MIER1: variants seen among roughly 807,000 people sequenced by gnomAD.
MIER1 encodes the protein mesoderm induction early response protein 1.
Under a neutral mutation model 75.7 loss-of-function variants are expected in MIER1, and 40 were observed. That is an observed-to-expected ratio of 0.53 (90% CI 0.41 to 0.69). The LOEUF (loss-of-function observed/expected upper bound fraction) is 0.69. MIER1 is among the 30% of genes least tolerant of loss of function. The probability of loss-of-function intolerance (pLI) is 0.00; values close to 1 mark genes in which losing one functional copy is unlikely to be tolerated. For synonymous variants in MIER1, 213 were observed against 223.4 expected, an observed-to-expected ratio of 0.95 and a Z score of 0.42; for missense variants, 574 against 680.2, an observed-to-expected ratio of 0.84 and a Z score of 1.74.
intron 4 of MIER1, among the ~76,000 whole-genome samples, chr1:66,956,542 T>C (rs962956731): frequency 2.0e-5 from 3 of 152,222 alleles, no homozygotes; most frequent in Admixed American, 6.5e-5. Flanking sequence ...TACCAGATTC[T>C]TGGTACATGG....
intron 2 of MIER1, among the ~76,000 whole-genome samples, chr1:66,939,635 G>A (rs560703943): frequency 4.6e-5 from 7 of 151,910 alleles, no homozygotes; most frequent in South Asian, 4.2e-4. Flanking sequence ...TTTTTAAGTC[G>A]GAGACCAGCT....
chr1:66,955,321 A>G (rs1412368025), intron 4 of MIER1, among the ~76,000 whole-genome samples: 2 of 126,864 alleles, frequency 1.6e-5, no homozygotes, highest in East Asian at 2.5e-4. Flanking sequence ...TACCAGCAGC[A>G]TTAGCATCAC....
At chr1:66,925,150 G>A (rs916400856) in intron 1 of MIER1, 55 bp downstream of exon 1, 5 of 1,532,120 alleles carry the variant, frequency 3.3e-6, no homozygotes, top group South Asian at 1.2e-5. Flanking sequence ...TTGGGATGAG[G>A]GGCTCCTGAG....
Position 66,986,549 on chromosome 1 carries a change from T to G in MIER1, c.*1649T>G. On this transcript the variant is annotated 3_prime_UTR_variant, in exon 14 of 14. Transcript: ENST00000401041. ...GAAGGTTTGCACTGAGAAATTAGCA[T>G]TCAGGCCTTACCCCCATGAAGTATT... 9.0e-7 allele frequency: 1 copy of G among 1,106,760 alleles called. No individual in the cohort carries two copies. Among genetic ancestry groups the G allele is most frequent in the East Asian group, 2.4e-5 (1 of 42,444 alleles). 68.6% of individuals were successfully genotyped at this position (1,106,760 alleles called of 1,614,324 possible). A position where few individuals can be genotyped will look rare whatever the true frequency, so the allele number is the denominator to read the frequency against.
At chr1:66,937,860 A>G (rs1655283605) in intron 2 of MIER1, among the ~76,000 whole-genome samples, 2 of 152,220 alleles carry the variant, frequency 1.3e-5, no homozygotes, top group African/African-American at 4.8e-5. Context: ...TCTAATCTCA[A>G]TCCTACCCCC....
chr1:66,948,145 G>A (rs1377372045), intron 4 of MIER1: 1 of 862,488 alleles, frequency 1.2e-6, no homozygotes, highest in African/African-American at 1.8e-5. Context: ...ATTCACCAGT[G>A]TATTTCATGG....
rs1570390821 is a variant in MIER1 at position 66,962,988 on chromosome 1, C to G, written c.700-100C>G. 4.0e-6 allele frequency: 3 copies of G among 755,970 alleles called. No individual in the cohort carries two copies. The Admixed American group carries it at 7.7e-5, about 19-fold the overall frequency. The allele number at this position is 755,970 out of a possible 1,614,324, so 46.8% of individuals were successfully genotyped here. ...AATTGGTTGTTTTTGTATTTTATGA[C>G]AGAGAAACCAGGAACAGTTTACTAA... On this transcript the variant is annotated intron_variant, in intron 7 of 13. Coordinates refer to ENST00000401041, the MANE Select transcript of MIER1 (RefSeq NM_001077700.3).
At chr1:66,928,945 T>C in intron 2 of MIER1, 10 of 1,606,760 alleles carry the variant, frequency 6.2e-6, no homozygotes, top group Non-Finnish European at 8.5e-6. Flanking sequence ...TGTGGACTCT[T>C]TTCCTGTCAA....
intron 11 of MIER1, among the ~76,000 whole-genome samples, chr1:66,976,085 C>T (rs1003065437): frequency 5.9e-5 from 9 of 152,132 alleles, no homozygotes; most frequent in African/African-American, 2.2e-4. Flanking sequence ...CCCCCACCCC[C>T]ACCCCCTGCT....
intron 2 of MIER1, chr1:66,930,393 T>G: frequency 3.1e-6 from 5 of 1,607,854 alleles, no homozygotes; most frequent in Non-Finnish European, 4.2e-6. Context: ...ACGGCAAATA[T>G]GGCGGAGGTA....
At chr1:66,956,141 G>C (rs544534727) in intron 4 of MIER1, among the ~76,000 whole-genome samples, 2 of 152,270 alleles carry the variant, frequency 1.3e-5, no homozygotes, top group South Asian at 4.2e-4. Context: ...ACTAGCTTTA[G>C]GCTGGGCACG....
At position 66,946,175 on chromosome 1, in the gene MIER1, T is replaced by C; in HGVS notation, c.219T>C (p.His73=). The C allele has an allele frequency of 2.5e-6, 4 of 1,610,568 alleles. No individual in the cohort carries two copies. The highest frequency in any genetic ancestry group is 3.4e-6 in the Non-Finnish European group (4 of 1,179,240). ...GAGGTTCAGCAACATCAGATGACCA[T>C]GAATTTGATCCATCAGCTGACATGC... ...SPGGSATSDD[H]EFDPSADMLV... is the part of the protein sequence containing the mutation. The change falls in exon 4 of 14, where the codon CAT becomes CAC. Residue 73 remains histidine (H), a synonymous_variant. Coordinates refer to ENST00000401041, the MANE Select transcript of MIER1 (RefSeq NM_001077700.3).
chr1:66,930,460 G>T, intron 2 of MIER1: 1 of 1,576,620 alleles, frequency 6.3e-7, no homozygotes, highest in Non-Finnish European at 8.6e-7. Context: ...CCTGGGCCGG[G>T]GAGGAGTGGA....
chr1:66,941,114 A>G (rs966426893), intron 3 of MIER1, among the ~76,000 whole-genome samples: 2 of 152,210 alleles, frequency 1.3e-5, no homozygotes, highest in African/African-American at 4.8e-5. Context: ...GCCTGTTTTC[A>G]TGGTGCAAGG....
chr1:66,969,604 A>G (rs183962433), intron 8 of MIER1, among the ~76,000 whole-genome samples: 1 of 149,902 alleles, frequency 6.7e-6, no homozygotes, highest in East Asian at 2.0e-4. Flanking sequence ...GATATGCTTA[A>G]TTAGCTGTTA....
intron 8 of MIER1, among the ~76,000 whole-genome samples, chr1:66,965,933 C>T (rs973743797): frequency 6.6e-6 from 1 of 152,114 alleles, no homozygotes; most frequent in Non-Finnish European, 1.5e-5. Context: ...CCGTGCCTGA[C>T]TTTTTGCTTA....
At chr1:66,976,161 G>A (rs911917238) in intron 11 of MIER1, among the ~76,000 whole-genome samples, 1 of 151,914 alleles carries the variant, frequency 6.6e-6, no homozygotes, top group African/African-American at 2.4e-5. Flanking sequence ...CTGCCACCAT[G>A]CCCGGCTAAT....
chr1:66,930,796 C>T (rs1292930235), intron 2 of MIER1, among the ~76,000 whole-genome samples: 1 of 152,118 alleles, frequency 6.6e-6, no homozygotes. Flanking sequence ...TTGCGCCCTT[C>T]CGCGTCACCC....
chr1:66,937,775 G>C (rs1164158910), intron 2 of MIER1, among the ~76,000 whole-genome samples: 1 of 152,134 alleles, frequency 6.6e-6, no homozygotes, highest in Non-Finnish European at 1.5e-5. Context: ...ATGTTTTACA[G>C]TATGAAATGT....
Sources: gnomAD v4.1 joint callset for allele counts (sites outside exome capture counted in the v4.1 genomes callset) on GRCh38, gnomAD v4.1.1 for gene constraint, MANE v1.5 for transcripts, NCBI Gene and HGNC (gene_info 2026-07-23, HGNC 2026-07-21) for gene names.